Variants in SH3BP4 observed in about 807,000 individuals in gnomAD.
The protein encoded by SH3BP4 is SH3 domain-binding protein 4.
Under a neutral mutation model 65.5 loss-of-function variants are expected in SH3BP4, and 33 were observed. The observed-to-expected ratio is 0.50, with a 90% CI of 0.38 to 0.67. The LOEUF (loss-of-function observed/expected upper bound fraction) is 0.67. Among genes scored for constraint, SH3BP4 ranks in the 30% least tolerant of loss-of-function variants. The pLI, the probability that SH3BP4 is intolerant of heterozygous loss-of-function variation, is 0.00. For synonymous variants in SH3BP4, 552 were observed against 545.5 expected (o/e 1.01, Z -0.17); for missense variants, 1,134 against 1,261.4 (o/e 0.90, Z 1.53).
chr2:235,052,374 G>A lies in SH3BP4; in HGVS notation c.2479-188G>A, dbSNP rs1220027140. 6.6e-6 allele frequency among the ~76,000 whole-genome samples: 1 copy of A among 152,154 alleles called. No individual in the cohort carries two copies. The highest frequency in any genetic ancestry group is 1.5e-5 in the Non-Finnish European group (1 of 68,022). On this transcript the variant is annotated intron_variant, in intron 4 of 5. Coordinates refer to ENST00000392011, the MANE Select transcript of SH3BP4 (RefSeq NM_014521.3). The surrounding 1 kb of genome is among the most constrained non-coding windows in gnomAD (Gnocchi z 5.0). ...GACACTGGTGAACCTGGCACGCTCT[G>A]CACATCATCTCTTTTCTCCCGTGAA...
chr2:234,978,658 C>T lies in SH3BP4; in HGVS notation c.-206-16645C>T, dbSNP rs1179020200. On this transcript the variant is annotated intron_variant, in intron 1 of 5. Transcript: ENST00000392011. The surrounding 1 kb of genome is among the most constrained non-coding windows in gnomAD (Gnocchi z 4.1). ...TGTGGTTCTGGGCGACTCCCAACTTCCAGCAAATCCGTGGTTGTTTTCAGT... is the reference window on the plus strand; with the variant it reads ...TGTGGTTCTGGGCGACTCCCAACTTTCAGCAAATCCGTGGTTGTTTTCAGT... 6.6e-6 allele frequency: 1 copy of T among 152,254 alleles called. No individual in the cohort carries two copies. Among genetic ancestry groups the T allele is most frequent in the Non-Finnish European group, 1.5e-5 (1 of 68,074 alleles). 9.4% of individuals were successfully genotyped at this position (152,254 alleles called of 1,614,324 possible).
intron 1 of SH3BP4, among the ~76,000 whole-genome samples, chr2:234,980,604 G>C (rs1367142902): frequency 6.6e-6 from 1 of 152,206 alleles, no homozygotes; most frequent in Non-Finnish European, 1.5e-5. Context: ...TTCCAGCTCA[G>C]CGTGCAAATG....
intron 1 of SH3BP4, among the ~76,000 whole-genome samples, chr2:234,989,134 C>G (rs1693673695): frequency 6.6e-6 from 1 of 152,154 alleles, no homozygotes; most frequent in South Asian, 2.1e-4. Flanking sequence ...ATGATCTGCC[C>G]TCATAGAGAA....
At chr2:234,959,693 C>T (rs1692663607) in intron 1 of SH3BP4, among the ~76,000 whole-genome samples, 1 of 149,566 alleles carries the variant, frequency 6.7e-6, no homozygotes, top group South Asian at 2.1e-4. Context: ...TCACTCTTGC[C>T]CACGCTGGAG....
chr2:234,958,016 C>T (rs991913210), intron 1 of SH3BP4, among the ~76,000 whole-genome samples: 19 of 152,104 alleles, frequency 1.2e-4, no homozygotes, highest in Admixed American at 6.5e-4. Context: ...GCTTTGGTTG[C>T]TTCTGCTGGT....
Position 235,035,512 on chromosome 2 carries a change from T to A in SH3BP4, c.118+392T>A, listed in dbSNP as rs537284582. Among the ~76,000 whole-genome samples, 164 of 152,302 alleles carry A rather than the reference T, an allele frequency of 1.1e-3. No individual in the cohort carries two copies. The highest frequency in any genetic ancestry group is 3.9e-3 in the South Asian group (19 of 4,822). On this transcript the variant is annotated intron_variant, in intron 3 of 5. Transcript: ENST00000392011. This position sits in a 1 kb window ranked among gnomAD's most constrained non-coding sequence, Gnocchi z 5.0. Reference sequence around the variant, plus strand: ...CAGCAAACCTTTTCTCCAAACAGTCTGATGGGAAATATTTGAAGCTTTGCA... The same window carrying A: ...CAGCAAACCTTTTCTCCAAACAGTCAGATGGGAAATATTTGAAGCTTTGCA...
At chr2:235,048,659 A>G (rs1695953263) in intron 4 of SH3BP4, among the ~76,000 whole-genome samples, 1 of 152,230 alleles carries the variant, frequency 6.6e-6, no homozygotes, top group African/African-American at 2.4e-5. Flanking sequence ...TCTTGAAGCA[A>G]GTTCCCAGAC....
rs781716582 is a variant in SH3BP4 at position 234,978,508 on chromosome 2, G to A, written c.-206-16795G>A. On this transcript the variant is annotated intron_variant, in intron 1 of 5. Transcript: ENST00000392011. The surrounding 1 kb of genome is among the most constrained non-coding windows in gnomAD (Gnocchi z 4.1). ...GCACTCTGTGCTCGCTGACTGGTGC[G>A]GTGAACTCTCCGGCTGGGCTCCTTT... Among the ~76,000 whole-genome samples, 11 of 152,306 alleles carry A rather than the reference G, an allele frequency of 7.2e-5. No individual in the cohort carries two copies. Among genetic ancestry groups the A allele is most frequent in the East Asian group, 3.9e-4 (2 of 5,176 alleles).
intron 4 of SH3BP4, among the ~76,000 whole-genome samples, chr2:235,049,118 G>C (rs1695966843): frequency 6.6e-6 from 1 of 152,214 alleles, no homozygotes; most frequent in African/African-American, 2.4e-5. Flanking sequence ...GAGTGAGGGA[G>C]AGATGCCTTC....
chr2:235,032,755 C>G (rs1695245061), intron 2 of SH3BP4, among the ~76,000 whole-genome samples: 1 of 152,092 alleles, frequency 6.6e-6, no homozygotes, highest in Non-Finnish European at 1.5e-5. Flanking sequence ...CAGACCCCAG[C>G]AGAGGGGTGG....
At chr2:235,007,435 G>A (rs548912928) in intron 2 of SH3BP4, among the ~76,000 whole-genome samples, 2 of 152,190 alleles carry the variant, frequency 1.3e-5, no homozygotes, top group Non-Finnish European at 2.9e-5. Context: ...ATTTGTGATT[G>A]TCACCACGCA....
rs1412477493 is a variant in SH3BP4, at chr2:234,989,338, A to T, written c.-206-5965A>T. On this transcript the variant is annotated intron_variant, in intron 1 of 5. Coordinates refer to ENST00000392011, the MANE Select transcript of SH3BP4 (RefSeq NM_014521.3). Reference sequence around the variant, plus strand: ...GCTCTAGAAAGAAACCTTGAAATGGATGTTGGGCCCGTTCCCGTCTCCCTT... The same window carrying T: ...GCTCTAGAAAGAAACCTTGAAATGGTTGTTGGGCCCGTTCCCGTCTCCCTT... Among the ~76,000 whole-genome samples the T allele has an allele frequency of 3.9e-5, 6 of 152,030 alleles. No individual in the cohort carries two copies. In the East Asian group the frequency reaches 7.7e-4, roughly 20 times the overall value.
At chr2:234,973,909 A>G (rs1373452074) in intron 1 of SH3BP4, among the ~76,000 whole-genome samples, 2 of 152,064 alleles carry the variant, frequency 1.3e-5, no homozygotes, top group Non-Finnish European at 2.9e-5. Context: ...TGCTGGGACT[A>G]TAGATGTGAG....
chr2:235,049,191 G>C (rs1489283509), intron 4 of SH3BP4, among the ~76,000 whole-genome samples: 1 of 152,176 alleles, frequency 6.6e-6, no homozygotes, highest in Non-Finnish European at 1.5e-5. Flanking sequence ...TGGGACCTTG[G>C]CTGCCCCTGG....
rs1684713070 is a variant in SH3BP4, at chr2:234,972,885, A to C, written c.-207+20715A>C. Among the ~76,000 whole-genome samples, 3 of 152,292 alleles carry C rather than the reference A, an allele frequency of 2.0e-5. 1 individual carries two copies. In the South Asian group the frequency reaches 6.2e-4, roughly 32 times the overall value. On this transcript the variant is annotated intron_variant, in intron 1 of 5. Coordinates refer to ENST00000392011, the MANE Select transcript of SH3BP4 (RefSeq NM_014521.3). ...TTCCCGGCTTCACTCTTCCAAAGCC[A>C]CCTTTACCTTTGCAGATTGTTGAGA...
chr2:234,984,748 C>T (rs573826603), intron 1 of SH3BP4, among the ~76,000 whole-genome samples: 2 of 152,232 alleles, frequency 1.3e-5, no homozygotes, highest in Admixed American at 1.3e-4. Flanking sequence ...TGGTCTAGCA[C>T]CATTTACCAT....
chr2:234,963,792 A>G (rs764818040), intron 1 of SH3BP4, among the ~76,000 whole-genome samples: 9 of 152,054 alleles, frequency 5.9e-5, no homozygotes, highest in African/African-American at 2.2e-4. Flanking sequence ...GGGTGTCCAG[A>G]GTGATTTTGT....
intron 1 of SH3BP4, among the ~76,000 whole-genome samples, chr2:234,975,605 G>A (rs568533658): frequency 1.3e-5 from 2 of 152,330 alleles, no homozygotes; most frequent in East Asian, 1.9e-4. Context: ...GCTGGGCGCC[G>A]TGGTTCATGT....
chr2:234,961,143 T>A (rs1316763990), intron 1 of SH3BP4, among the ~76,000 whole-genome samples: 1 of 152,226 alleles, frequency 6.6e-6, no homozygotes, highest in Non-Finnish European at 1.5e-5. Context: ...AGGCTCAGCC[T>A]TCTGATCTCT....
Sources: gnomAD v4.1 joint callset for allele counts (sites outside exome capture counted in the v4.1 genomes callset) on GRCh38, gnomAD v4.1.1 for gene constraint, Gnocchi (gnomAD v3.1) non-coding constraint, MANE v1.5 for transcripts, NCBI Gene and HGNC (gene_info 2026-07-23, HGNC 2026-07-21) for gene names.